The following SPTBN5 variants were observed in gnomAD, a reference collection of about 807,000 sequenced individuals.
SPTBN5 encodes spectrin beta chain, non-erythrocytic 5.
Under a neutral mutation model 477.6 loss-of-function variants are expected in SPTBN5, and 513 were observed. The observed-to-expected ratio is 1.07, with a 90% CI of 1.00 to 1.16. SPTBN5 has a LOEUF of 1.16. SPTBN5 is among the 50% of genes most tolerant of loss of function. The pLI, the probability that SPTBN5 is intolerant of heterozygous loss-of-function variation, is 0.00. For missense variants in SPTBN5, 5,062 were observed against 4,731.8 expected, an observed-to-expected ratio of 1.07 and a Z score of -2.05; for synonymous variants, 2,169 against 2,011.7, an observed-to-expected ratio of 1.08 and a Z score of -2.09.
At chr15:41,887,149 C>A in intron 6 of SPTBN5, 64 bp downstream of exon 6, 1 of 1,453,882 alleles carries the variant, frequency 6.9e-7, no homozygotes, top group Non-Finnish European at 9.4e-7. Context: ...GCAGGGCAGG[C>A]TTCACGCTTA....
At position 41,852,780 on chromosome 15, in the gene SPTBN5, G is replaced by C. The variant is rs748967223; in HGVS notation, c.10347+44C>G. 2.9e-5 allele frequency: 42 copies of C among 1,472,764 alleles called. 2 individuals carry two copies. The Middle Eastern group carries it at 7.3e-4, about 26-fold the overall frequency. The allele number at this position is 1,472,764 out of a possible 1,614,324, so 91.2% of individuals were successfully genotyped here. A position where few individuals can be genotyped will look rare whatever the true frequency, so the allele number is the denominator to read the frequency against. The stretch of plus-strand genomic sequence containing the variant: ...GGTGACGCCCAGCTTGGGGGGGGGG[G>C]CCCAGAGCCTGGTAGCCAGCTAAGG... On this transcript the variant is annotated intron_variant, in intron 60 of 67. Transcript: ENST00000320955.
intron 55 of SPTBN5, 53 bp from the exon 56 acceptor site, chr15:41,855,029 C>G: frequency 2.0e-6 from 3 of 1,488,682 alleles, no homozygotes; most frequent in Non-Finnish European, 2.7e-6. Context: ...CATGAGCTCT[C>G]AAAGCTCATG....
chr15:41,855,358 T>TG lies in SPTBN5; in HGVS notation c.9288dup (p.Arg3097GlnfsTer52). 1 of 1,605,820 alleles carries TG rather than the reference T, an allele frequency of 6.2e-7. No individual in the cohort carries two copies. Among genetic ancestry groups the TG allele is most frequent in the Non-Finnish European group, 8.5e-7 (1 of 1,179,634 alleles). On this transcript the variant is annotated frameshift_variant, in exon 55 of 68. Transcript: ENST00000320955. LOFTEE classifies it high-confidence loss of function. ...AGCTGCTCCTGCAGGCCGTGCCCCC[T>TG]GGCCTCCGCCCTCCGCAGCAGCTCT...
intron 67 of SPTBN5, 40 bp downstream of exon 67, chr15:41,849,829 C>G: frequency 6.6e-7 from 1 of 1,511,264 alleles, no homozygotes; most frequent in Non-Finnish European, 9.0e-7. Context: ...CACTGAAGCC[C>G]AGGGCTCCCC....
At chr15:41,880,020 G>A (rs2066893884) in intron 14 of SPTBN5, 140 bp downstream of exon 14, 2 of 1,410,956 alleles carry the variant, frequency 1.4e-6, no homozygotes, top group East Asian at 2.5e-5. Flanking sequence ...AGGGCCAGGA[G>A]GCCCTCGAAA....
intron 2 of SPTBN5, 31 bp from the exon 3 acceptor site, chr15:41,893,092 C>T (rs767044299): frequency 3.1e-6 from 5 of 1,602,402 alleles, no homozygotes; most frequent in Admixed American, 3.4e-5. Flanking sequence ...AGTATGGGGT[C>T]AGCCCAGCCT....
chr15:41,851,581 T>TG (rs138547502), intron 63 of SPTBN5, among the ~76,000 whole-genome samples, 198 bp downstream of exon 63: 35,407 of 119,808 alleles, frequency 0.3, 5,616 homozygotes, highest in Middle Eastern at 0.47. Flanking sequence ...CAGCACCTCC[T>TG]GGTGGGGGTG....
intron 32 of SPTBN5, among the ~76,000 whole-genome samples, chr15:41,869,582 T>C (rs1157262459): frequency 6.6e-6 from 1 of 152,200 alleles, no homozygotes; most frequent in Non-Finnish European, 1.5e-5. Context: ...CAGTTCTTAC[T>C]CCCAGCCCTG....
In SPTBN5 at chr15:41,867,983, G is replaced by A. The variant is rs1595472133; in HGVS notation, c.6207+86C>T. 6 of 1,457,944 alleles carry A rather than the reference G, an allele frequency of 4.1e-6. No individual in the cohort carries two copies. The East Asian group carries it at 9.4e-5, about 23-fold the overall frequency. 90.3% of individuals were successfully genotyped at this position (1,457,944 alleles called of 1,614,324 possible). On this transcript the variant is annotated intron_variant, in intron 34 of 67. Coordinates refer to ENST00000320955, the MANE Select transcript of SPTBN5 (RefSeq NM_016642.4). ...CTCATATTAGAGAAAAAGCCAGAGA[G>A]GCAGGAGGAAAGGGACTGAGCAGAG...
chr15:41,870,191 G>C, intron 31 of SPTBN5, 52 bp downstream of exon 31: 2 of 1,519,744 alleles, frequency 1.3e-6, no homozygotes, highest in Non-Finnish European at 1.8e-6. Context: ...AGGCAGGCCA[G>C]CCTGAGGGGG....
intron 56 of SPTBN5, among the ~76,000 whole-genome samples, 174 bp downstream of exon 56, chr15:41,854,608 T>C (rs1207822253): frequency 7.2e-5 from 11 of 152,050 alleles, no homozygotes; most frequent in Admixed American, 7.2e-4. Context: ...TGGAATGTCC[T>C]GGGCTGCAGC....
chr15:41,855,833 G>A (rs1567186077), intron 53 of SPTBN5, 88 bp from the exon 54 acceptor site: 3 of 1,362,416 alleles, frequency 2.2e-6, no homozygotes, highest in Non-Finnish European at 2.0e-6. Flanking sequence ...TGGCTGCACA[G>A]GGGAATCACC....
Position 41,849,841 on chromosome 15 carries a change from C to T in SPTBN5, c.11012+28G>A, listed in dbSNP as rs2065691673. 2.6e-6 allele frequency: 4 copies of T among 1,544,976 alleles called. No homozygotes were observed. The Admixed American group carries it at 7.8e-5, about 30-fold the overall frequency. On this transcript the variant is annotated intron_variant, in intron 67 of 67. Transcript: ENST00000320955. ...AGCCACTGAAGCCCAGGGCTCCCCG[C>T]CCTGCTTCCCCCACCCAGGTGTCCC...
chr15:41,851,458 T>G (rs1434907819), intron 63 of SPTBN5, 89 bp from the exon 64 acceptor site: 2 of 992,746 alleles, frequency 2.0e-6, no homozygotes, highest in Non-Finnish European at 3.0e-6. Context: ...GTGTGGAGCT[T>G]CCCAGGAAAA....
rs765169482 is a variant in SPTBN5, at chr15:41,853,280, T to C, written c.10148A>G (p.Asn3383Ser). ...LRQEGQQLVD[N>S]SHFMSAEVTE... ...CACCTCCGCAGACATGAAGTGGCTGTTGTCCACCAGCTGCTGTCCTTCCTG... is the reference window on the plus strand; with the variant it reads ...CACCTCCGCAGACATGAAGTGGCTGCTGTCCACCAGCTGCTGTCCTTCCTG... Residue 3383 changes from asparagine (N) to serine (S), a missense_variant, in exon 59 of 68, where the codon AAC becomes AGC. Asn to Ser is a conservative substitution (Grantham distance 46). Coordinates refer to ENST00000320955, the MANE Select transcript of SPTBN5 (RefSeq NM_016642.4). The C allele has an allele frequency of 8.7e-6, 14 of 1,608,126 alleles. No individual in the cohort carries two copies.
chr15:41,869,359 A>AC (rs1461801476), intron 32 of SPTBN5, among the ~76,000 whole-genome samples: 1 of 152,222 alleles, frequency 6.6e-6, no homozygotes, highest in Non-Finnish European at 1.5e-5. Flanking sequence ...GCCAGGACCT[A>AC]CTGTCCCAGT....
Position 41,857,722 on chromosome 15 carries a change from A to G in SPTBN5, c.8227-12T>C. ...AGCCTCTGTCCCTCCTGCAGCCACA[A>G]CATGAAACACACCTTGTGGACTCAG... On this transcript the variant is annotated splice_polypyrimidine_tract_variant and intron_variant, in intron 49 of 67. Coordinates refer to ENST00000320955, the MANE Select transcript of SPTBN5 (RefSeq NM_016642.4). 1.9e-6 allele frequency: 3 copies of G among 1,560,252 alleles called. No individual in the cohort carries two copies. Among genetic ancestry groups the G allele is most frequent in the Non-Finnish European group, 2.6e-6 (3 of 1,156,082 alleles).
intron 56 of SPTBN5, 75 bp downstream of exon 56, chr15:41,854,707 G>A (rs1477788231): frequency 1.5e-6 from 2 of 1,309,824 alleles, no homozygotes; most frequent in African/African-American, 3.0e-5. Context: ...ACCAAAGCCT[G>A]TGGTAAGGAG....
rs776971366 is a variant in SPTBN5 at position 41,870,415 on chromosome 15, A to G, written c.5562+31T>C. 3.7e-6 allele frequency: 6 copies of G among 1,611,388 alleles called. No homozygotes were observed. In the South Asian group the frequency reaches 6.6e-5, roughly 18 times the overall value. ...AGCGTGGGCACTGAGCCTGGAGTGT[A>G]TCCACTTCTAGCCACCCCTCCGGCT... On this transcript the variant is annotated intron_variant, in intron 30 of 67. Transcript: ENST00000320955.
Sources: allele counts gnomAD v4.1 joint callset (sites outside exome capture counted in the v4.1 genomes callset), GRCh38; gene constraint gnomAD v4.1.1; transcripts MANE v1.5; gene names NCBI Gene and HGNC (gene_info 2026-07-23, HGNC 2026-07-21).